The following ADAMTSL1 variants were observed in gnomAD, a reference collection of about 807,000 sequenced individuals.
ADAMTSL1 encodes ADAMTS like 1, also known as ADAMTS-like protein 1.
In ADAMTSL1, 126 loss-of-function variants were observed where a neutral mutation model predicts 201.8. The ratio of observed to expected loss-of-function variants is 0.62; its 90% CI spans 0.54 to 0.72. The LOEUF (loss-of-function observed/expected upper bound fraction) is 0.72. Among genes scored for constraint, ADAMTSL1 ranks in the 30% least tolerant of loss-of-function variants. The pLI is 0.00. For missense variants in ADAMTSL1, 2,679 were observed against 2,277.8 expected, an observed-to-expected ratio of 1.18 and a Z score of -3.59; for synonymous variants, 1,121 against 903.4, an observed-to-expected ratio of 1.24 and a Z score of -4.32.
rs1181680955 is a variant in ADAMTSL1 at position 18,886,192 on chromosome 9, A to G, written c.4250-1639A>G. ...TATATATATATATATATATATATAT[A>G]TATATATATATATATATATACACAC... On this transcript the variant is annotated intron_variant, in intron 23 of 28. Coordinates refer to ENST00000380548, the MANE Select transcript of ADAMTSL1 (RefSeq NM_001040272.6). Among the ~76,000 whole-genome samples the G allele has an allele frequency of 2.5e-4, 33 of 132,458 alleles. 1 individual carries two copies. Among genetic ancestry groups the G allele is most frequent in the East Asian group, 1.8e-3 (8 of 4,402 alleles). 86.9% of individuals were successfully genotyped at this position (132,458 alleles called of 152,430 possible).
intron 17 of ADAMTSL1, among the ~76,000 whole-genome samples, chr9:18,772,080 G>A (rs1820724712): frequency 6.6e-6 from 1 of 152,186 alleles, no homozygotes; most frequent in South Asian, 2.1e-4. Flanking sequence ...AAATGAGCAT[G>A]TGTACATTTG....
chr9:18,174,099 C>T (rs1290472394), intron 2 of ADAMTSL1, among the ~76,000 whole-genome samples: 1 of 152,066 alleles, frequency 6.6e-6, no homozygotes, highest in Non-Finnish European at 1.5e-5. Context: ...AAACATAAGA[C>T]TTATATTATA....
At chr9:18,485,228 T>C (rs1433963325) in intron 1 of ADAMTSL1, among the ~76,000 whole-genome samples, 1 of 152,180 alleles carries the variant, frequency 6.6e-6, no homozygotes, top group African/African-American at 2.4e-5. Flanking sequence ...ACTCTCCGGT[T>C]TTCTTTTACC....
intron 2 of ADAMTSL1, among the ~76,000 whole-genome samples, chr9:18,377,949 T>C (rs1383283625): frequency 1.3e-5 from 2 of 152,114 alleles, no homozygotes; most frequent in African/African-American, 4.8e-5. Flanking sequence ...TCTATACTCA[T>C]AACCTCAAGT....
chr9:18,487,014 A>G (rs1226300683), intron 1 of ADAMTSL1, among the ~76,000 whole-genome samples: 1 of 152,214 alleles, frequency 6.6e-6, no homozygotes, highest in Non-Finnish European at 1.5e-5. Context: ...CTTTGAAAAC[A>G]GCTAAAAATG....
At chr9:18,158,047 T>C (rs1827231715) in intron 1 of ADAMTSL1, among the ~76,000 whole-genome samples, 1 of 151,876 alleles carries the variant, frequency 6.6e-6, no homozygotes, top group Non-Finnish European at 1.5e-5. Context: ...GTTTTCTAAG[T>C]GGACCCTTTC....
chr9:18,597,803 T>G (rs1824365115), intron 4 of ADAMTSL1, among the ~76,000 whole-genome samples: 1 of 152,178 alleles, frequency 6.6e-6, no homozygotes, highest in African/African-American at 2.4e-5. Flanking sequence ...ACCTTCCAGA[T>G]TTTGAGCCTT....
chr9:18,462,355 A>T (rs928919247), intron 2 of ADAMTSL1, among the ~76,000 whole-genome samples: 6 of 152,212 alleles, frequency 3.9e-5, no homozygotes, highest in African/African-American at 1.2e-4. Flanking sequence ...AGCACTTATT[A>T]TGTGCTGAGC....
intron 2 of ADAMTSL1, among the ~76,000 whole-genome samples, chr9:18,310,665 A>G (rs1006214092): frequency 3.9e-5 from 6 of 152,194 alleles, no homozygotes; most frequent in Admixed American, 3.9e-4. Flanking sequence ...ATACCATCTC[A>G]CGCCAGTTAG....
chr9:18,475,233 C>G (rs984881885), intron 1 of ADAMTSL1, among the ~76,000 whole-genome samples: 6 of 152,140 alleles, frequency 3.9e-5, no homozygotes, highest in Non-Finnish European at 8.8e-5. Context: ...GCCAGAACTT[C>G]CTCAGAAGGT....
intron 22 of ADAMTSL1, among the ~76,000 whole-genome samples, chr9:18,828,908 G>C (rs1391531060): frequency 6.6e-6 from 1 of 151,732 alleles, no homozygotes; most frequent in African/African-American, 2.4e-5. Flanking sequence ...GGCTGTTGCA[G>C]AATGCTGTTG....
intron 4 of ADAMTSL1, among the ~76,000 whole-genome samples, chr9:18,586,125 A>G (rs1256756886): frequency 1.3e-5 from 2 of 152,062 alleles, no homozygotes; most frequent in Non-Finnish European, 2.9e-5. Flanking sequence ...AAAGCATCCA[A>G]ATAGGAAGAA....
At chr9:18,607,642 A>G (rs1017538577) in intron 4 of ADAMTSL1, among the ~76,000 whole-genome samples, 4 of 152,056 alleles carry the variant, frequency 2.6e-5, no homozygotes, top group African/African-American at 7.2e-5. Flanking sequence ...TTTGTTACCT[A>G]TGTATACACG....
intron 1 of ADAMTSL1, among the ~76,000 whole-genome samples, chr9:17,917,351 G>A (rs1826136330): frequency 6.6e-6 from 1 of 152,066 alleles, no homozygotes. Flanking sequence ...GATGTTAGGT[G>A]TGGGCTTTTT....
At chr9:18,008,644 A>G (rs889937467) in intron 1 of ADAMTSL1, among the ~76,000 whole-genome samples, 10 of 151,918 alleles carry the variant, frequency 6.6e-5, no homozygotes, top group African/African-American at 2.2e-4. Context: ...TCCACCCTGA[A>G]CAGTGCAAGT....
chr9:18,529,709 G>T (rs897347780), intron 2 of ADAMTSL1, among the ~76,000 whole-genome samples: 3 of 152,080 alleles, frequency 2.0e-5, no homozygotes, highest in Admixed American at 2.0e-4. Context: ...ATTTGATAAT[G>T]TCTTTCAATA....
At chr9:18,858,104 T>C (rs796093741) in intron 23 of ADAMTSL1, among the ~76,000 whole-genome samples, 24 of 152,264 alleles carry the variant, frequency 1.6e-4, no homozygotes, top group African/African-American at 5.5e-4. Flanking sequence ...CACACACTAA[T>C]ATAATCATTT....
chr9:17,967,697 T>C (rs1482314549), intron 1 of ADAMTSL1, among the ~76,000 whole-genome samples: 1 of 152,158 alleles, frequency 6.6e-6, no homozygotes, highest in Non-Finnish European at 1.5e-5. Context: ...TCTTCCTTTA[T>C]AGATTTCTAT....
intron 2 of ADAMTSL1, among the ~76,000 whole-genome samples, chr9:18,364,411 T>C (rs1291232022): frequency 1.3e-5 from 2 of 152,166 alleles, no homozygotes; most frequent in African/African-American, 4.8e-5. Flanking sequence ...ATGTTGATAA[T>C]GCCTCAGGGG....
Sources: allele counts gnomAD v4.1 joint callset (sites outside exome capture counted in the v4.1 genomes callset), GRCh38; gene constraint gnomAD v4.1.1; transcripts MANE v1.5; gene names NCBI Gene and HGNC (gene_info 2026-07-23, HGNC 2026-07-21).